Variants in BANK1 observed in about 807,000 individuals in gnomAD.
BANK1 encodes the protein B-cell scaffold protein with ankyrin repeats.
In BANK1, 95 loss-of-function variants were observed where a neutral mutation model predicts 94.5. That is an observed-to-expected ratio of 1.00 (90% CI 0.85 to 1.19). The LOEUF is 1.19. Ranked by LOEUF, BANK1 falls within the 50% of genes most tolerant of loss-of-function variation. The pLI is 0.00. For missense variants in BANK1, 987 were observed against 932.2 expected, an observed-to-expected ratio of 1.06 and a Z score of -0.77; for synonymous variants, 334 against 308.4, an observed-to-expected ratio of 1.08 and a Z score of -0.87.
chr4:102,002,181 G>A (rs1015010076), intron 7 of BANK1, among the ~76,000 whole-genome samples: 4 of 152,122 alleles, frequency 2.6e-5, no homozygotes, highest in Non-Finnish European at 5.9e-5. Context: ...TGTCTTGTCT[G>A]TTTCCATGTT....
chr4:101,955,831 G>A (rs1044501950), intron 7 of BANK1, among the ~76,000 whole-genome samples: 1 of 152,074 alleles, frequency 6.6e-6, no homozygotes, highest in Non-Finnish European at 1.5e-5. Flanking sequence ...CCATCAATTA[G>A]CCATAAATGT....
intron 7 of BANK1, among the ~76,000 whole-genome samples, chr4:101,927,641 A>C (rs1723208968): frequency 6.6e-6 from 1 of 151,678 alleles, no homozygotes; most frequent in Admixed American, 6.6e-5. Flanking sequence ...AGGCAATGGA[A>C]TTTACTGACT....
At chr4:101,812,900 G>C (rs918192324) in intron 1 of BANK1, among the ~76,000 whole-genome samples, 2 of 152,118 alleles carry the variant, frequency 1.3e-5, no homozygotes, top group African/African-American at 4.8e-5. Flanking sequence ...TTGTAAACAG[G>C]TTAGTGCCTA....
chr4:101,898,327 T>C (rs1363771062), intron 6 of BANK1, among the ~76,000 whole-genome samples: 1 of 151,952 alleles, frequency 6.6e-6, no homozygotes, highest in South Asian at 2.1e-4. Flanking sequence ...GTTACCTTTA[T>C]ACATATATTA....
intron 2 of BANK1, among the ~76,000 whole-genome samples, chr4:101,853,483 T>C (rs1440864129): frequency 3.3e-5 from 5 of 151,960 alleles, no homozygotes. Context: ...AGTATTTGGA[T>C]TTTTTTTCTT....
chr4:101,909,626 C>A (rs904382872), intron 6 of BANK1, among the ~76,000 whole-genome samples: 1 of 152,192 alleles, frequency 6.6e-6, no homozygotes, highest in African/African-American at 2.4e-5. Context: ...TGTAAACCTA[C>A]AACCTTCCAG....
At chr4:101,975,665 G>A (rs976328493) in intron 7 of BANK1, among the ~76,000 whole-genome samples, 2 of 152,138 alleles carry the variant, frequency 1.3e-5, no homozygotes, top group African/African-American at 4.8e-5. Context: ...TTAGTGGCTA[G>A]CAATAACACT....
At chr4:102,034,040 T>C (rs1237787189) in intron 10 of BANK1, among the ~76,000 whole-genome samples, 1 of 152,164 alleles carries the variant, frequency 6.6e-6, no homozygotes, top group Non-Finnish European at 1.5e-5. Flanking sequence ...TCCTTTTTTT[T>C]TTCCCCTAGC....
At chr4:101,800,140 GGGAGGGGGGA>G (rs1725309161) in intron 1 of BANK1, among the ~76,000 whole-genome samples, 1 of 20,658 alleles carries the variant, frequency 4.8e-5, no homozygotes, top group African/African-American at 1.6e-4. Context: ...GTTGGGTGGG[GGGAGGGGGGA>G]GGGATAGCAT....
intron 3 of BANK1, among the ~76,000 whole-genome samples, chr4:101,857,172 C>T (rs1448977056): frequency 6.6e-6 from 1 of 152,118 alleles, no homozygotes; most frequent in African/African-American, 2.4e-5. Context: ...AAGATTACTG[C>T]CTTAAGGAAA....
chr4:101,998,004 A>G (rs772593677), intron 7 of BANK1, among the ~76,000 whole-genome samples: 4 of 152,134 alleles, frequency 2.6e-5, no homozygotes, highest in African/African-American at 7.2e-5. Context: ...GTTAATTGCG[A>G]TGTAAGAGTG....
At chr4:101,996,262 C>G (rs2850379) in intron 7 of BANK1, among the ~76,000 whole-genome samples, 1 of 151,800 alleles carries the variant, frequency 6.6e-6, no homozygotes, top group South Asian at 2.1e-4. Flanking sequence ...ATTTCTGAGG[C>G]CTCTGTTCTG....
chr4:101,831,073 C>T (rs1197670857), intron 2 of BANK1, among the ~76,000 whole-genome samples: 1 of 152,182 alleles, frequency 6.6e-6, no homozygotes, highest in Non-Finnish European at 1.5e-5. Flanking sequence ...AGTTCTATGG[C>T]TCCTTCATGT....
At position 101,830,084 on chromosome 4, in the gene BANK1, G is replaced by A. The variant is rs779410032; in HGVS notation, c.347G>A (p.Cys116Tyr). Residue 116 changes from cysteine to tyrosine, a missense_variant, in exon 2 of 17, where the codon TGT becomes TAT. By Grantham distance (194) the Cys-to-Tyr change is radical (BLOSUM62 -2). Transcript: ENST00000322953. ...CCAAAAAGTGTAGTTACTTTGCTTT[G>A]TGGAGTGAAGAGTTCAGATCAGCTC... ...HSPKSVVTLL[C>Y]GVKSSDQLYE... 6.2e-7 allele frequency: 1 copy of A among 1,613,762 alleles called. No homozygotes were observed. Among genetic ancestry groups the A allele is most frequent in the African/African-American group, 1.3e-5 (1 of 74,912 alleles).
At chr4:101,841,280 T>G (rs1198637751) in intron 2 of BANK1, among the ~76,000 whole-genome samples, 1 of 152,220 alleles carries the variant, frequency 6.6e-6, no homozygotes, top group Admixed American at 6.5e-5. Flanking sequence ...CAGTCACTGT[T>G]AACATTTTGG....
chr4:101,817,150 G>A (rs914508085), intron 1 of BANK1, among the ~76,000 whole-genome samples: 2 of 151,992 alleles, frequency 1.3e-5, no homozygotes, highest in Non-Finnish European at 2.9e-5. Flanking sequence ...ATGCAAAGAG[G>A]CCCATCTAAT....
At chr4:101,919,525 C>A (rs1232885444) in intron 7 of BANK1, among the ~76,000 whole-genome samples, 3 of 151,898 alleles carry the variant, frequency 2.0e-5, no homozygotes, top group African/African-American at 7.2e-5. Flanking sequence ...TTCTCTTACA[C>A]CCTCTCAGTA....
intron 10 of BANK1, chr4:102,032,316 G>A (rs1727348278): frequency 6.6e-6 from 1 of 152,104 alleles, no homozygotes; most frequent in Non-Finnish European, 1.5e-5. Context: ...TCTATTGATG[G>A]TCATATTCTT....
chr4:101,848,588 T>G (rs1488954295), intron 2 of BANK1, among the ~76,000 whole-genome samples: 1 of 152,238 alleles, frequency 6.6e-6, no homozygotes, highest in Non-Finnish European at 1.5e-5. Context: ...AATACAGTCA[T>G]GCACTTGAGA....
Sources: gnomAD v4.1 joint callset for allele counts (sites outside exome capture counted in the v4.1 genomes callset) on GRCh38, gnomAD v4.1.1 for gene constraint, MANE v1.5 for transcripts, NCBI Gene and HGNC (gene_info 2026-07-23, HGNC 2026-07-21) for gene names.